The following FHIT variants were observed in gnomAD, a reference collection of about 807,000 sequenced individuals.
FHIT encodes the protein fragile histidine triad diadenosine triphosphatase, also known as bis(5'-adenosyl)-triphosphatase.
Under a neutral mutation model 17.9 loss-of-function variants are expected in FHIT, and 19 were observed. That is an observed-to-expected ratio of 1.06 (90% confidence interval 0.74 to 1.56). The LOEUF (loss-of-function observed/expected upper bound fraction) is 1.56. Ranked by LOEUF, FHIT falls within the 40% of genes most tolerant of loss-of-function variation. The pLI is 0.00. For missense variants in FHIT, 248 were observed against 189.2 expected (o/e 1.31, Z -1.82); for synonymous variants, 81 against 69.7 (o/e 1.16, Z -0.81).
chr3:60,713,698 G>C (rs562329627), intron 4 of FHIT, among the ~76,000 whole-genome samples: 3 of 152,270 alleles, frequency 2.0e-5, no homozygotes. Flanking sequence ...TAAATTCCTC[G>C]ACACATACAC....
intron 5 of FHIT, among the ~76,000 whole-genome samples, chr3:60,322,176 C>G (rs968218194): frequency 1.3e-5 from 2 of 152,190 alleles, no homozygotes; most frequent in Non-Finnish European, 2.9e-5. Flanking sequence ...AATTATGATG[C>G]CTGCTCAATG....
At chr3:59,830,761 G>A (rs1701136548) in intron 8 of FHIT, among the ~76,000 whole-genome samples, 2 of 152,324 alleles carry the variant, frequency 1.3e-5, no homozygotes, top group African/African-American at 4.8e-5. Context: ...TTTTGCAAAG[G>A]TGTAGCACTG....
At chr3:61,239,530 G>A (rs745972926) in intron 1 of FHIT, among the ~76,000 whole-genome samples, 11 of 151,760 alleles carry the variant, frequency 7.2e-5, no homozygotes, top group Non-Finnish European at 1.3e-4. Flanking sequence ...TATCTCAATA[G>A]GTTACTCATC....
At chr3:59,836,763 G>A (rs1334185738) in intron 8 of FHIT, among the ~76,000 whole-genome samples, 2 of 152,100 alleles carry the variant, frequency 1.3e-5, no homozygotes, top group Non-Finnish European at 2.9e-5. Flanking sequence ...TGCCATGTGT[G>A]TTACACATGG....
intron 3 of FHIT, among the ~76,000 whole-genome samples, chr3:60,842,292 G>A (rs1702746829): frequency 2.0e-5 from 3 of 151,446 alleles, no homozygotes; most frequent in Admixed American, 1.3e-4. Flanking sequence ...GTCTGCCTTA[G>A]TCAATGTAAA....
chr3:61,185,363 T>C (rs1448731607), intron 2 of FHIT, among the ~76,000 whole-genome samples: 1 of 152,096 alleles, frequency 6.6e-6, no homozygotes, highest in Non-Finnish European at 1.5e-5. Flanking sequence ...CCTTGCAAAA[T>C]AGTCAATGAG....
chr3:61,010,041 T>G (rs573627917), intron 3 of FHIT, among the ~76,000 whole-genome samples: 71 of 152,300 alleles, frequency 4.7e-4, no homozygotes, highest in Admixed American at 3.0e-3. Context: ...AAGTGGCACC[T>G]TGAAACTAGA....
intron 1 of FHIT, among the ~76,000 whole-genome samples, chr3:61,219,836 C>G (rs1021376032): frequency 6.6e-6 from 1 of 152,150 alleles, no homozygotes; most frequent in Non-Finnish European, 1.5e-5. Context: ...AACCCCAGCT[C>G]CCTTAAAAAT....
chr3:60,515,722 CGAGA>C (rs1295943660), intron 5 of FHIT, among the ~76,000 whole-genome samples: 2 of 152,038 alleles, frequency 1.3e-5, no homozygotes, highest in Non-Finnish European at 2.9e-5. Context: ...TTCATATGGA[CGAGA>C]GAGAGTTTAA....
chr3:61,184,970 G>A (rs1294924427), intron 2 of FHIT, among the ~76,000 whole-genome samples: 1 of 152,150 alleles, frequency 6.6e-6, no homozygotes, highest in Non-Finnish European at 1.5e-5. Context: ...TCAATCTGTG[G>A]CTCTAAGGGA....
At chr3:60,497,999 G>A (rs959614750) in intron 5 of FHIT, among the ~76,000 whole-genome samples, 11 of 152,128 alleles carry the variant, frequency 7.2e-5, no homozygotes, top group Non-Finnish European at 1.5e-5. Context: ...CAGGCCATAT[G>A]GTCTCTGTCA....
intron 5 of FHIT, among the ~76,000 whole-genome samples, chr3:60,038,402 A>G (rs996108313): frequency 9.8e-5 from 15 of 152,340 alleles, no homozygotes; most frequent in African/African-American, 3.4e-4. Context: ...GAGTCTGATA[A>G]CACCTACCTC....
At chr3:60,032,340 T>G (rs35830310) in intron 5 of FHIT, among the ~76,000 whole-genome samples, 20,868 of 151,964 alleles carry the variant, frequency 0.14, 1,523 homozygotes, top group Middle Eastern at 0.15. Flanking sequence ...TGGTCTCAGC[T>G]ACTCAGGAGA....
At chr3:60,492,997 G>A (rs557318443) in intron 5 of FHIT, among the ~76,000 whole-genome samples, 41 of 152,270 alleles carry the variant, frequency 2.7e-4, no homozygotes, top group Middle Eastern at 3.4e-3. Flanking sequence ...ACAGGACACA[G>A]TACATGTATA....
chr3:60,428,841 T>A (rs988399888), intron 5 of FHIT, among the ~76,000 whole-genome samples: 5 of 152,124 alleles, frequency 3.3e-5, no homozygotes, highest in African/African-American at 9.7e-5. Context: ...CAGATACTAG[T>A]GTTGTTCACC....
At chr3:60,512,695 G>C (rs1010716894) in intron 5 of FHIT, among the ~76,000 whole-genome samples, 1 of 152,132 alleles carries the variant, frequency 6.6e-6, no homozygotes, top group Non-Finnish European at 1.5e-5. Context: ...AGAGGCAAGG[G>C]GACAACATAA....
At chr3:61,197,988 AACTCTGT>A (rs1313884417) in intron 2 of FHIT, among the ~76,000 whole-genome samples, 1 of 152,112 alleles carries the variant, frequency 6.6e-6, no homozygotes, top group Non-Finnish European at 1.5e-5. Context: ...TCTAATAAAG[AACTCTGT>A]ACTTTTTGTA....
intron 3 of FHIT, among the ~76,000 whole-genome samples, chr3:60,963,872 A>T (rs1043937665): frequency 1.3e-5 from 2 of 152,190 alleles, no homozygotes; most frequent in Non-Finnish European, 2.9e-5. Flanking sequence ...GTTTTGGAAT[A>T]AGTGCGATGT....
chr3:60,922,510 C>T (rs1218400702), intron 3 of FHIT, among the ~76,000 whole-genome samples: 2 of 152,146 alleles, frequency 1.3e-5, no homozygotes, highest in African/African-American at 4.8e-5. Context: ...AGGAGGTACC[C>T]ACCTTCAGGA....
Sources: allele counts gnomAD v4.1 joint callset (sites outside exome capture counted in the v4.1 genomes callset), GRCh38; gene constraint gnomAD v4.1.1; transcripts MANE v1.5; gene names NCBI Gene and HGNC (gene_info 2026-07-23, HGNC 2026-07-21).